Variants in HELQ observed in about 807,000 individuals in gnomAD.
The protein encoded by HELQ is helicase, POLQ like.
In HELQ, 77 loss-of-function variants were observed where a neutral mutation model predicts 111.6. That is an observed-to-expected ratio of 0.69 (90% CI 0.57 to 0.83). The LOEUF (loss-of-function observed/expected upper bound fraction) is 0.83, where lower values mean the gene tolerates loss of function less well. HELQ is among the 40% of genes least tolerant of loss of function. The pLI, the probability that HELQ is intolerant of heterozygous loss-of-function variation, is 0.00. For synonymous variants in HELQ, 438 were observed against 454.7 expected (o/e 0.96, Z 0.47); for missense variants, 1,200 against 1,288.5 (o/e 0.93, Z 1.05).
chr4:83,416,753 T>G lies in HELQ; in HGVS notation c.3176A>C (p.Lys1059Thr), dbSNP rs1739381856. The change falls in exon 17 of 18, where the codon AAG becomes ACG. Residue 1059 changes from lysine (K) to threonine (T), a missense_variant. Around this residue, in one of 3 missense-constraint regions of HELQ, gnomAD observed 585 missense variants for 665.3 expected, o/e 0.88. Coordinates refer to ENST00000295488, the MANE Select transcript of HELQ (RefSeq NM_133636.5). ...TIDHLSRRQA[K>T]QIVSSAKMLL... ...TACCTTTGCTGATGAAACAATTTGCTTGGCTTGGCGTCTTGATAAATGATC... is the reference window on the plus strand; with the variant it reads ...TACCTTTGCTGATGAAACAATTTGCGTGGCTTGGCGTCTTGATAAATGATC... The G allele has an allele frequency of 6.2e-7, 1 of 1,612,686 alleles. No homozygotes were observed. The highest frequency in any genetic ancestry group is 2.2e-5 in the East Asian group (1 of 44,860).
In HELQ at chr4:83,439,927, C is replaced by A; in HGVS notation, c.1744G>T (p.Val582Phe). The change falls in exon 8 of 18, where the codon GTT becomes TTT. Residue 582 changes from valine (V) to phenylalanine (F), a missense_variant. Physicochemically the swap from Val to Phe is conservative, Grantham distance 50 (BLOSUM62 -1). Around this residue, in one of 3 missense-constraint regions of HELQ, gnomAD observed 585 missense variants for 665.3 expected, o/e 0.88. Transcript: ENST00000295488. Reference protein sequence around the residue: ...TEVIPNYSCLVFCPSKKNCEN... With the variant: ...TEVIPNYSCLFFCPSKKNCEN... ...CAGTTCTTCTTACTAGGACAAAAAA[C>A]TAAGCAGGAATAATTGGGAATAACT... 1 of 1,609,198 alleles carries A rather than the reference C, an allele frequency of 6.2e-7. No individual in the cohort carries two copies. Among genetic ancestry groups the A allele is most frequent in the Non-Finnish European group, 8.5e-7 (1 of 1,176,208 alleles).
At chr4:83,440,875 G>A (rs564879213) in intron 7 of HELQ, among the ~76,000 whole-genome samples, 1 of 152,154 alleles carries the variant, frequency 6.6e-6, no homozygotes, top group Non-Finnish European at 1.5e-5. Flanking sequence ...TCACAATTTA[G>A]TAGCTGTTAG....
intron 12 of HELQ, among the ~76,000 whole-genome samples, chr4:83,428,809 T>A (rs1035828100): frequency 6.6e-6 from 1 of 151,836 alleles, no homozygotes; most frequent in African/African-American, 2.4e-5. Flanking sequence ...TTTTTTTAAT[T>A]TATAAAAAGT....
rs781532832 is a variant in HELQ, at chr4:83,455,651, GGA to G, written c.41_42del (p.Leu14ProfsTer25). ...CGSRIRRRVS[L>X]PKRNRPSLGC... ...CCCAAGCTTGGACGGTTCCTTTTGG[GGA>G]GAGACACCCGCCGGCGGATGCGGGA... On this transcript the variant is annotated frameshift_variant, in exon 1 of 18. Coordinates refer to ENST00000295488, the MANE Select transcript of HELQ (RefSeq NM_133636.5). LOFTEE classifies it high-confidence loss of function. The G allele has an allele frequency of 3.7e-6, 6 of 1,612,700 alleles. No homozygotes were observed. The highest frequency in any genetic ancestry group is 2.2e-5 in the South Asian group (2 of 91,068).
intron 2 of HELQ, among the ~76,000 whole-genome samples, chr4:83,450,223 A>T (rs984944333): frequency 2.1e-5 from 1 of 46,718 alleles, no homozygotes; most frequent in Non-Finnish European, 3.5e-5. Context: ...AGTTAAGTTT[A>T]AAAAAAAAAA....
At chr4:83,437,568 A>AC (rs1382694338) in intron 8 of HELQ, among the ~76,000 whole-genome samples, 1 of 150,562 alleles carries the variant, frequency 6.6e-6, no homozygotes, top group Non-Finnish European at 1.5e-5. Context: ...TGAGCTATGA[A>AC]CCTACCAGCC....
chr4:83,431,798 G>A (rs1393495126), intron 10 of HELQ, 30 bp from the exon 11 acceptor site: 1 of 886,574 alleles, frequency 1.1e-6, no homozygotes, highest in East Asian at 2.9e-5. Context: ...ACCATGCCTT[G>A]TGTTATTATT....
intron 17 of HELQ, among the ~76,000 whole-genome samples, chr4:83,411,990 T>C (rs147901707): frequency 5.3e-5 from 8 of 152,198 alleles, no homozygotes; most frequent in Admixed American, 1.3e-4. Context: ...AGGAAGCACA[T>C]TGAGAAAGCT....
At chr4:83,430,532 T>A (rs994714643) in intron 11 of HELQ, among the ~76,000 whole-genome samples, 2 of 152,208 alleles carry the variant, frequency 1.3e-5, no homozygotes, top group African/African-American at 4.8e-5. Context: ...GACTCTGAAT[T>A]AGAATAATTT....
chr4:83,449,072 G>C (rs1486264402), intron 2 of HELQ, 111 bp from the exon 3 acceptor site: 1 of 779,846 alleles, frequency 1.3e-6, no homozygotes, highest in Non-Finnish European at 2.0e-6. Flanking sequence ...CCTCTCATAA[G>C]GATAAATTTA....
At chr4:83,418,391 T>C (rs542562482) in intron 15 of HELQ, among the ~76,000 whole-genome samples, 185 bp from the exon 16 acceptor site, 1 of 152,274 alleles carries the variant, frequency 6.6e-6, no homozygotes, top group East Asian at 1.9e-4. Flanking sequence ...CCTGAGGAAT[T>C]TGAGGAACTG....
Position 83,431,710 on chromosome 4 carries a change from A to T in HELQ, c.2249T>A (p.Phe750Tyr). 6.4e-7 allele frequency: 1 copy of T among 1,563,186 alleles called. No individual in the cohort carries two copies. The highest frequency in any genetic ancestry group is 8.7e-7 in the Non-Finnish European group (1 of 1,153,676). Residue 750 changes from phenylalanine (F) to tyrosine (Y), a missense_variant, in exon 11 of 18, where the codon TTC becomes TAC. Transcript: ENST00000295488. ...AAATAATGTTTGGATTCCCTTGGTGAATTCCTGAACAAGATGGCTGTAACA... is the reference window on the plus strand; with the variant it reads ...AAATAATGTTTGGATTCCCTTGGTGTATTCCTGAACAAGATGGCTGTAACA... ...ENCYSHLVQE[F>Y]TKGIQTLFLS...
At chr4:83,408,951 G>A (rs900190988) in intron 17 of HELQ, among the ~76,000 whole-genome samples, 3 of 152,112 alleles carry the variant, frequency 2.0e-5, no homozygotes, top group Non-Finnish European at 4.4e-5. Flanking sequence ...GGCAGTCTTC[G>A]AAAGGCAATG....
At chr4:83,413,879 T>C (rs1286101650) in intron 17 of HELQ, among the ~76,000 whole-genome samples, 1 of 152,218 alleles carries the variant, frequency 6.6e-6, no homozygotes, top group East Asian at 1.9e-4. Flanking sequence ...GTGAGTCACC[T>C]GGGTCATCCA....
Position 83,416,833 on chromosome 4 carries a change from GT to G in HELQ, c.3095del (p.Tyr1032SerfsTer4), listed in dbSNP as rs761786816. The G allele has an allele frequency of 2.4e-5, 39 of 1,613,614 alleles. No individual in the cohort carries two copies. The highest frequency in any genetic ancestry group is 3.3e-4 in the Middle Eastern group (2 of 6,080). On this transcript the variant is annotated frameshift_variant, in exon 17 of 18. Transcript: ENST00000295488. LOFTEE classifies it high-confidence loss of function. Reference sequence around the variant, plus strand: ...CATTAGCTAAGTGCATTAGACTTTTGTAACCTGCACTGTATAACTGTTTTGC... The same window carrying G: ...CATTAGCTAAGTGCATTAGACTTTTGAACCTGCACTGTATAACTGTTTTGC... ...GRAKQLYSAG[Y>X]KSLMHLANAN...
chr4:83,450,692 A>G (rs1578105489), intron 2 of HELQ, among the ~76,000 whole-genome samples: 1 of 151,796 alleles, frequency 6.6e-6, no homozygotes, highest in Non-Finnish European at 1.5e-5. Flanking sequence ...CTAGCCGGGT[A>G]CAATGGCTCA....
chr4:83,450,222 T>TAAAAAAAA lies in HELQ; in HGVS notation c.1013-1269_1013-1262dup, dbSNP rs71668650. Among the ~76,000 whole-genome samples the TAAAAAAAA allele has an allele frequency of 2.9e-3, 132 of 45,598 alleles. 21 individuals are homozygous for TAAAAAAAA. Among genetic ancestry groups the TAAAAAAAA allele is most frequent in the African/African-American group, 4.1e-3 (83 of 20,460 alleles). 29.9% of individuals were successfully genotyped at this position (45,598 alleles called of 152,430 possible). A position where few individuals can be genotyped will look rare whatever the true frequency, so the allele number is the denominator to read the frequency against. ...TGTATGTTCAATATACAGTTAAGTT[T>TAAAAAAAA]AAAAAAAAAAAAAAAAAAAAAAAAA... On this transcript the variant is annotated intron_variant, in intron 2 of 17. Coordinates refer to ENST00000295488, the MANE Select transcript of HELQ (RefSeq NM_133636.5).
At chr4:83,416,671 A>C (rs954199709) in intron 17 of HELQ, 60 bp downstream of exon 17, 1 of 1,533,034 alleles carries the variant, frequency 6.5e-7, no homozygotes, top group African/African-American at 1.4e-5. Context: ...TGATGTCTAT[A>C]ATACAAGGAA....
At position 83,416,810 on chromosome 4, in the gene HELQ, T is replaced by A; in HGVS notation, c.3119A>T (p.Asn1040Ile). The change falls in exon 17 of 18, where the codon AAT becomes ATT. Residue 1040 changes from asparagine (N) to isoleucine (I), a missense_variant. Transcript: ENST00000295488. ...CCTTACGAGCACTTCAGGATTTGCA[T>A]TAGCTAAGTGCATTAGACTTTTGTA... ...AGYKSLMHLA[N>I]ANPEVLVRTI... The A allele has an allele frequency of 6.2e-7, 1 of 1,613,796 alleles. No individual in the cohort carries two copies. Among genetic ancestry groups the A allele is most frequent in the Non-Finnish European group, 8.5e-7 (1 of 1,179,700 alleles).
Sources: allele counts gnomAD v4.1 joint callset (sites outside exome capture counted in the v4.1 genomes callset), GRCh38; gene constraint gnomAD v4.1.1; regional missense constraint gnomAD v4.1.1; transcripts MANE v1.5; gene names NCBI Gene and HGNC (gene_info 2026-07-23, HGNC 2026-07-21).